Variants in PARD3B observed in about 807,000 individuals in gnomAD.
PARD3B encodes partitioning defective 3 homolog B.
In PARD3B, 103 loss-of-function variants were observed where a neutral mutation model predicts 130.2. The ratio of observed to expected loss-of-function variants is 0.79; its 90% CI spans 0.67 to 0.93. The LOEUF is 0.93. PARD3B is among the 40% of genes least tolerant of loss of function. The pLI is 0.00. For missense variants in PARD3B, 1,609 were observed against 1,499.2 expected (o/e 1.07, Z -1.21); for synonymous variants, 583 against 553.2 (o/e 1.05, Z -0.76).
rs946837653 is a variant in PARD3B at position 205,575,862 on chromosome 2, A to C, written c.3260+22459A>C. Among the ~76,000 whole-genome samples, 1 of 152,160 alleles carries C rather than the reference A, an allele frequency of 6.6e-6. No individual in the cohort carries two copies. The highest frequency in any genetic ancestry group is 2.4e-5 in the African/African-American group (1 of 41,450). On this transcript the variant is annotated intron_variant, in intron 22 of 22. Transcript: ENST00000406610. This position sits in a 1 kb window ranked among gnomAD's most constrained non-coding sequence, Gnocchi z 4.6. The stretch of plus-strand genomic sequence containing the variant: ...ATGGGCAGGTTTTCTTGTGGACATA[A>C]GTTTTCAGCTCTTTTGGGTAAATAC...
rs1040492859 is a variant in PARD3B, at chr2:204,707,431, T to C, written c.222+21149T>C. Reference sequence around the variant, plus strand: ...CTTTTTGGCTTCTATTTTATATGGATTTTTTTCTACATAAGTTGACATAGT... The same window carrying C: ...CTTTTTGGCTTCTATTTTATATGGACTTTTTTCTACATAAGTTGACATAGT... On this transcript the variant is annotated intron_variant, in intron 2 of 22. Coordinates refer to ENST00000406610, the MANE Select transcript of PARD3B (RefSeq NM_001302769.2). Among the ~76,000 whole-genome samples, 96 of 152,180 alleles carry C rather than the reference T, an allele frequency of 6.3e-4. 7 individuals are homozygous for C. Among genetic ancestry groups the C allele is most frequent in the Non-Finnish European group, 5.9e-5 (4 of 68,034 alleles).
intron 18 of PARD3B, among the ~76,000 whole-genome samples, chr2:205,326,258 A>G (rs1456428572): frequency 1.3e-5 from 2 of 152,234 alleles, no homozygotes; most frequent in Admixed American, 1.3e-4. Flanking sequence ...GGAAGCAGTG[A>G]CACCAAGTCT....
At chr2:204,935,304 C>T (rs560693016) in intron 2 of PARD3B, among the ~76,000 whole-genome samples, 266 of 149,932 alleles carry the variant, frequency 1.8e-3, no homozygotes, top group African/African-American at 2.1e-3. Context: ...CCAAGGCGGG[C>T]GGATCACAAG....
At chr2:204,879,626 T>A (rs1020566035) in intron 2 of PARD3B, among the ~76,000 whole-genome samples, 1 of 152,196 alleles carries the variant, frequency 6.6e-6, no homozygotes. Flanking sequence ...CAAATGCCTG[T>A]ATGGGTTGTG....
chr2:205,143,939 G>A (rs1244334926), intron 10 of PARD3B, among the ~76,000 whole-genome samples: 1 of 152,144 alleles, frequency 6.6e-6, no homozygotes, highest in Non-Finnish European at 1.5e-5. Context: ...ATTAACCCTT[G>A]ATAGGTCCCA....
At chr2:205,573,387 A>G (rs2053627796) in intron 22 of PARD3B, among the ~76,000 whole-genome samples, 1 of 152,166 alleles carries the variant, frequency 6.6e-6, no homozygotes, top group African/African-American at 2.4e-5. Flanking sequence ...TTCTCCTCAT[A>G]GATGAGGAAG....
At chr2:205,055,182 A>G (rs1011781852) in intron 4 of PARD3B, among the ~76,000 whole-genome samples, 18 of 152,192 alleles carry the variant, frequency 1.2e-4, no homozygotes, top group African/African-American at 4.3e-4. Context: ...TCTTTGAGTT[A>G]TAACTTTGTA....
intron 1 of PARD3B, among the ~76,000 whole-genome samples, chr2:204,554,491 C>G (rs1463624311): frequency 1.3e-5 from 2 of 152,024 alleles, no homozygotes. Flanking sequence ...ATGTTTTTCT[C>G]TCATGATCCA....
At chr2:204,663,461 C>G (rs572162547) in intron 1 of PARD3B, among the ~76,000 whole-genome samples, 1 of 152,288 alleles carries the variant, frequency 6.6e-6, no homozygotes, top group Admixed American at 6.5e-5. Context: ...TAAACTCATA[C>G]CTATTGTACT....
At chr2:205,468,024 A>G (rs2048692257) in intron 20 of PARD3B, among the ~76,000 whole-genome samples, 1 of 152,152 alleles carries the variant, frequency 6.6e-6, no homozygotes, top group Non-Finnish European at 1.5e-5. Context: ...CAGTAAGGTA[A>G]CCTCCAAGTG....
At chr2:205,150,659 A>G (rs944586973) in intron 10 of PARD3B, among the ~76,000 whole-genome samples, 4 of 152,222 alleles carry the variant, frequency 2.6e-5, no homozygotes, top group African/African-American at 9.6e-5. Flanking sequence ...GATATAAAAC[A>G]TAACTGTACT....
At chr2:204,696,903 G>A (rs1371572001) in intron 2 of PARD3B, among the ~76,000 whole-genome samples, 1 of 152,014 alleles carries the variant, frequency 6.6e-6, no homozygotes, top group East Asian at 1.9e-4. Flanking sequence ...CTTTAAATCA[G>A]GAGTGAAATA....
chr2:204,921,416 AT>A (rs2047674060), intron 2 of PARD3B, among the ~76,000 whole-genome samples: 1 of 152,182 alleles, frequency 6.6e-6, no homozygotes, highest in Non-Finnish European at 1.5e-5. Flanking sequence ...ATGTTAGATC[AT>A]TTTAGACAAA....
chr2:204,559,359 C>T (rs573066307), intron 1 of PARD3B, among the ~76,000 whole-genome samples: 280 of 152,142 alleles, frequency 1.8e-3, no homozygotes, highest in African/African-American at 6.4e-3. Context: ...AAAAACAACC[C>T]CATCACAAAG....
chr2:204,694,817 G>A (rs1445421673), intron 2 of PARD3B, among the ~76,000 whole-genome samples: 1 of 152,038 alleles, frequency 6.6e-6, no homozygotes, highest in Non-Finnish European at 1.5e-5. Context: ...TACGTATGAT[G>A]AGAGAATCTG....
At chr2:205,413,344 A>T (rs887524656) in intron 19 of PARD3B, among the ~76,000 whole-genome samples, 6 of 152,140 alleles carry the variant, frequency 3.9e-5, no homozygotes, top group Admixed American at 1.3e-4. Flanking sequence ...TCTCTCCCTT[A>T]CTACCTCACC....
At chr2:204,556,135 A>G (rs1436276786) in intron 1 of PARD3B, among the ~76,000 whole-genome samples, 1 of 152,222 alleles carries the variant, frequency 6.6e-6, no homozygotes, top group Non-Finnish European at 1.5e-5. Context: ...TTATTTTACC[A>G]TGCATCCATC....
At chr2:204,628,329 C>G (rs1421117191) in intron 1 of PARD3B, among the ~76,000 whole-genome samples, 1 of 150,878 alleles carries the variant, frequency 6.6e-6, no homozygotes, top group African/African-American at 2.4e-5. Flanking sequence ...TTCTATGGAA[C>G]AGGTTCTGTA....
chr2:205,383,105 T>TAGATAGATAGAG (rs1553500302), intron 18 of PARD3B, among the ~76,000 whole-genome samples: 3 of 136,804 alleles, frequency 2.2e-5, no homozygotes, highest in African/African-American at 2.5e-5. Context: ...GATAGATAGA[T>TAGATAGATAGAG]AGATAGATAG....
Sources: allele counts gnomAD v4.1 joint callset (sites outside exome capture counted in the v4.1 genomes callset), GRCh38; gene constraint gnomAD v4.1.1; non-coding constraint Gnocchi (gnomAD v3.1); transcripts MANE v1.5; gene names NCBI Gene and HGNC (gene_info 2026-07-23, HGNC 2026-07-21).